The following MIA2 variants were observed in gnomAD, a reference collection of about 807,000 sequenced individuals.
The protein encoded by MIA2 is MIA SH3 domain ER export factor 2.
A neutral mutation model predicts 167.8 loss-of-function variants in MIA2; 127 were observed. The ratio of observed to expected loss-of-function variants is 0.76; its 90% confidence interval spans 0.66 to 0.88. MIA2 has a LOEUF of 0.88. Among genes scored for constraint, MIA2 ranks in the 40% least tolerant of loss-of-function variants. The pLI is 0.00. For missense variants in MIA2, 1,690 were observed against 1,624.7 expected, an observed-to-expected ratio of 1.04 and a Z score of -0.69; for synonymous variants, 552 against 541.9, an observed-to-expected ratio of 1.02 and a Z score of -0.26.
chr14:39,321,054 G>C lies in MIA2; in HGVS notation c.3494G>C (p.Arg1165Thr). 6.2e-7 allele frequency: 1 copy of C among 1,610,098 alleles called. No individual in the cohort carries two copies. The highest frequency in any genetic ancestry group is 8.5e-7 in the Non-Finnish European group (1 of 1,178,844). ...CCTTTGCTTCCAGGGGGAGGAGGAA[G>C]AGGTATATTGTTTAAACATCTTTAT... ...LSPLLPGGGG[R>T]GSRGPGNPLD... is the part of the protein sequence containing the mutation. The change falls in exon 24 of 29, where the codon AGA becomes ACA. Residue 1165 changes from arginine to threonine, a missense_variant and splice_region_variant. Physicochemically the swap from Arg to Thr is moderately conservative, Grantham distance 71 (BLOSUM62 -1). Transcript: ENST00000640607.
intron 23 of MIA2, among the ~76,000 whole-genome samples, chr14:39,382,771 A>G (rs1047410233): frequency 1.1e-4 from 17 of 152,304 alleles, no homozygotes; most frequent in African/African-American, 4.1e-4. Flanking sequence ...AGGATAGTGA[A>G]TTGGAGTCCA....
chr14:39,260,024 C>A (rs1177503994), intron 6 of MIA2, among the ~76,000 whole-genome samples: 2 of 152,164 alleles, frequency 1.3e-5, no homozygotes, highest in Non-Finnish European at 2.9e-5. Context: ...CATGTCCCTG[C>A]AAAGGACATG....
Position 39,327,282 on chromosome 14 carries a change from A to G in MIA2, c.3655+260A>G, listed in dbSNP as rs115824535. Among the ~76,000 whole-genome samples, 384 of 152,294 alleles carry G rather than the reference A, an allele frequency of 2.5e-3. 2 individuals are homozygous for G. Among genetic ancestry groups the G allele is most frequent in the Middle Eastern group, 0.017 (5 of 294 alleles). ...AGGTAATAATGCATGTTTACTTTAG[A>G]AAATCCAAACAACACAGAAATGTGT... On this transcript the variant is annotated intron_variant, in intron 25 of 28. Coordinates refer to ENST00000640607, the MANE Select transcript of MIA2 (RefSeq NM_001329214.4).
At chr14:39,299,761 G>A in intron 13 of MIA2, 103 bp from the exon 14 acceptor site, 1 of 1,223,894 alleles carries the variant, frequency 8.2e-7, no homozygotes, top group South Asian at 1.6e-5. Context: ...TTTGAAAATA[G>A]GAGCCATGTT....
chr14:39,267,407 T>A (rs2056029186), intron 6 of MIA2: 1 of 1,607,844 alleles, frequency 6.2e-7, no homozygotes, highest in Non-Finnish European at 8.5e-7. Flanking sequence ...CCGTTTATTG[T>A]GGCCCCGACA....
At chr14:39,282,954 C>G (rs899528184) in intron 9 of MIA2, among the ~76,000 whole-genome samples, 1 of 152,162 alleles carries the variant, frequency 6.6e-6, no homozygotes, top group Admixed American at 6.5e-5. Flanking sequence ...TATATTTGAC[C>G]TTTACAAAAA....
chr14:39,264,795 G>C (rs191300664), intron 6 of MIA2, among the ~76,000 whole-genome samples: 6 of 152,286 alleles, frequency 3.9e-5, no homozygotes, highest in Middle Eastern at 3.4e-3. Context: ...CTTTGCAATG[G>C]AGCCCTTCAT....
At chr14:39,264,600 T>C (rs912547817) in intron 6 of MIA2, among the ~76,000 whole-genome samples, 2 of 152,348 alleles carry the variant, frequency 1.3e-5, no homozygotes, top group African/African-American at 4.8e-5. Flanking sequence ...GAATATACAA[T>C]GGAAATTATC....
At chr14:39,308,719 T>C in intron 18 of MIA2, 132 bp downstream of exon 18, 1 of 781,524 alleles carries the variant, frequency 1.3e-6, no homozygotes, top group Non-Finnish European at 1.9e-6. Flanking sequence ...AACTTATTTT[T>C]AAGAAAGGTA....
intron 23 of MIA2, among the ~76,000 whole-genome samples, chr14:39,381,534 A>G (rs2075161167): frequency 6.6e-6 from 1 of 152,246 alleles, no homozygotes; most frequent in Non-Finnish European, 1.5e-5. Context: ...TGTCATGGTG[A>G]AAAAAGGGCA....
At chr14:39,375,608 A>G (rs1163610086) in intron 23 of MIA2, among the ~76,000 whole-genome samples, 1 of 152,150 alleles carries the variant, frequency 6.6e-6, no homozygotes, top group Non-Finnish European at 1.5e-5. Flanking sequence ...AAGGCAAGAG[A>G]ATTGCTTGAA....
intron 7 of MIA2, among the ~76,000 whole-genome samples, chr14:39,277,774 A>G (rs1423037678): frequency 1.1e-4 from 5 of 45,386 alleles, no homozygotes; most frequent in South Asian, 1.7e-3. Flanking sequence ...ATATATATAT[A>G]TATATATTTA....
chr14:39,369,328 G>T (rs149039481), intron 23 of MIA2, among the ~76,000 whole-genome samples: 1 of 152,280 alleles, frequency 6.6e-6, no homozygotes, highest in African/African-American at 2.4e-5. Context: ...AGATCTGTCC[G>T]GTGTTTTAGC....
At chr14:39,309,619 C>T (rs550384882) in intron 18 of MIA2, among the ~76,000 whole-genome samples, 2 of 152,286 alleles carry the variant, frequency 1.3e-5, no homozygotes, top group Admixed American at 6.5e-5. Context: ...ATACCTGCTA[C>T]TCTTTATTCC....
chr14:39,273,698 A>C (rs2057514449), intron 6 of MIA2, among the ~76,000 whole-genome samples: 1 of 152,166 alleles, frequency 6.6e-6, no homozygotes. Flanking sequence ...GTCATGGTAC[A>C]TAATCCTTTT....
intron 23 of MIA2, chr14:39,386,604 TTTC>T: frequency 9.7e-7 from 1 of 1,035,990 alleles, no homozygotes; most frequent in Non-Finnish European, 1.4e-6. Context: ...GGCTTTCTTT[TTTC>T]TTTTTTTTCT....
intron 23 of MIA2, chr14:39,385,606 T>C: frequency 2.5e-6 from 2 of 811,182 alleles, no homozygotes; most frequent in Admixed American, 1.7e-5. Flanking sequence ...ATCTACTTGC[T>C]GGGTCTCTGG....
intron 3 of MIA2, among the ~76,000 whole-genome samples, chr14:39,243,070 C>A (rs1335992001): frequency 1.3e-5 from 2 of 148,948 alleles, no homozygotes; most frequent in South Asian, 2.1e-4. Context: ...TTACAGTGAG[C>A]CAAGATTGCT....
At chr14:39,319,188 A>G (rs891396931) in intron 22 of MIA2, 21 bp from the exon 23 acceptor site, 4 of 1,388,950 alleles carry the variant, frequency 2.9e-6, no homozygotes, top group Non-Finnish European at 2.9e-6. Flanking sequence ...TAACTTAGAG[A>G]TGTTTGTTCT....
Sources: allele counts gnomAD v4.1 joint callset (sites outside exome capture counted in the v4.1 genomes callset), GRCh38; gene constraint gnomAD v4.1.1; transcripts MANE v1.5; gene names NCBI Gene and HGNC (gene_info 2026-07-23, HGNC 2026-07-21).